The following ZBTB20 variants were observed in gnomAD, a reference collection of about 807,000 sequenced individuals.
The protein encoded by ZBTB20 is zinc finger and BTB domain containing 20.
In ZBTB20, 9 loss-of-function variants were observed where a neutral mutation model predicts 56.9. That is an observed-to-expected ratio of 0.16 (90% CI 0.10 to 0.28). The LOEUF (loss-of-function observed/expected upper bound fraction) is 0.28, where lower values mean the gene tolerates loss of function less well. ZBTB20 is among the 10% of genes least tolerant of loss of function. The pLI, the probability that ZBTB20 is intolerant of heterozygous loss-of-function variation, is 1.00. For missense variants in ZBTB20, 655 were observed against 1,003.0 expected, an observed-to-expected ratio of 0.65 and a Z score of 4.69; for synonymous variants, 417 against 420.7, an observed-to-expected ratio of 0.99 and a Z score of 0.11.
At chr3:114,712,351 G>A (rs1307400205) in intron 5 of ZBTB20, among the ~76,000 whole-genome samples, 1 of 152,010 alleles carries the variant, frequency 6.6e-6, no homozygotes, top group Non-Finnish European at 1.5e-5. Context: ...GAAAATTAAT[G>A]TTATAAAAAA....
chr3:114,664,150 G>A (rs1174349485), intron 6 of ZBTB20, among the ~76,000 whole-genome samples: 1 of 152,012 alleles, frequency 6.6e-6, no homozygotes, highest in African/African-American at 2.4e-5. Flanking sequence ...AGCATTTTAA[G>A]ACTTCCCTGA....
intron 4 of ZBTB20, among the ~76,000 whole-genome samples, chr3:114,829,672 G>A (rs909575770): frequency 1.3e-5 from 2 of 151,780 alleles, no homozygotes; most frequent in African/African-American, 4.8e-5. Context: ...GAAGTTACAC[G>A]GGAGATGCAA....
intron 7 of ZBTB20, among the ~76,000 whole-genome samples, chr3:114,492,397 G>A (rs1490617907): frequency 6.6e-6 from 1 of 152,060 alleles, no homozygotes; most frequent in African/African-American, 2.4e-5. Context: ...GTCCTCCTTT[G>A]GTGTTTCATG....
At chr3:114,470,494 C>T (rs1042762201) in intron 7 of ZBTB20, among the ~76,000 whole-genome samples, 5 of 152,050 alleles carry the variant, frequency 3.3e-5, no homozygotes, top group Admixed American at 6.6e-5. Context: ...GAAGAGAAAC[C>T]TGGCTCTCAA....
chr3:114,826,355 A>C (rs1394578084), intron 4 of ZBTB20, among the ~76,000 whole-genome samples: 7 of 151,764 alleles, frequency 4.6e-5, no homozygotes, highest in Admixed American at 4.6e-4. Flanking sequence ...CTCCCCCCAC[A>C]AAATTTAATA....
chr3:114,916,150 T>C (rs1014009690), intron 3 of ZBTB20, among the ~76,000 whole-genome samples: 19 of 152,132 alleles, frequency 1.2e-4, no homozygotes, highest in African/African-American at 4.1e-4. Context: ...AAGTGGGATG[T>C]TGATGTCTTC....
intron 6 of ZBTB20, among the ~76,000 whole-genome samples, chr3:114,675,165 A>G (rs1264935238): frequency 1.3e-5 from 2 of 151,700 alleles, no homozygotes; most frequent in African/African-American, 4.8e-5. Flanking sequence ...CTGATCTTCT[A>G]GCCACACTGT....
intron 3 of ZBTB20, among the ~76,000 whole-genome samples, chr3:114,918,672 G>A (rs1007223398): frequency 6.6e-6 from 1 of 152,154 alleles, no homozygotes; most frequent in African/African-American, 2.4e-5. Flanking sequence ...GGAAGCTAGT[G>A]CCTAAAGTGG....
intron 6 of ZBTB20, among the ~76,000 whole-genome samples, chr3:114,601,579 T>C (rs2107631087): frequency 1.3e-5 from 2 of 152,112 alleles, no homozygotes; most frequent in South Asian, 4.1e-4. Flanking sequence ...AAATAGATGA[T>C]AGATGATTAA....
chr3:114,415,943 C>T (rs1427242136), intron 7 of ZBTB20, among the ~76,000 whole-genome samples: 1 of 152,052 alleles, frequency 6.6e-6, no homozygotes, highest in Non-Finnish European at 1.5e-5. Context: ...TTTAAGATTG[C>T]ATAAATAGCT....
chr3:114,416,267 TATC>T (rs1364212223), intron 7 of ZBTB20, among the ~76,000 whole-genome samples: 1 of 150,242 alleles, frequency 6.7e-6, no homozygotes, highest in African/African-American at 2.5e-5. Context: ...CACTTAATAA[TATC>T]AACCACCTGA....
intron 3 of ZBTB20, among the ~76,000 whole-genome samples, chr3:114,938,126 T>C (rs28852739): frequency 7.6e-6 from 1 of 131,484 alleles, no homozygotes; most frequent in Non-Finnish European, 1.5e-5. Flanking sequence ...TCAAAAAAAA[T>C]AAAAATAAAA....
At chr3:115,146,548 G>A (rs1269379800) in intron 1 of ZBTB20, among the ~76,000 whole-genome samples, 2 of 152,180 alleles carry the variant, frequency 1.3e-5, no homozygotes, top group Non-Finnish European at 1.5e-5. Flanking sequence ...AGAGAAAGAA[G>A]GAAAGGTGTG....
chr3:114,833,228 T>C (rs1579072162), intron 4 of ZBTB20, among the ~76,000 whole-genome samples: 1 of 152,172 alleles, frequency 6.6e-6, no homozygotes, highest in Non-Finnish European at 1.5e-5. Flanking sequence ...GGTTGCCGAA[T>C]ACTAACATTG....
Position 114,323,225 on chromosome 3 carries a change from A to G in ZBTB20, c.*15780T>C, listed in dbSNP as rs565521723. 4 of 152,342 alleles carry G rather than the reference A, an allele frequency of 2.6e-5. No homozygotes were observed. The highest frequency in any genetic ancestry group is 9.6e-5 in the African/African-American group (4 of 41,592). The allele number at this position is 152,342 out of a possible 1,614,324, so 9.4% of individuals were successfully genotyped here. A position where few individuals can be genotyped will look rare whatever the true frequency, so the allele number is the denominator to read the frequency against. On this transcript the variant is annotated 3_prime_UTR_variant, in exon 12 of 12. Transcript: ENST00000675478. ...AGGAAAAAACCAATTTCAAAACTAA[A>G]CTTTTAGGCACTATTAAGGTCTTCT...
At chr3:114,975,706 G>T (rs938167302) in intron 2 of ZBTB20, among the ~76,000 whole-genome samples, 38 of 152,156 alleles carry the variant, frequency 2.5e-4, no homozygotes, top group Non-Finnish European at 2.9e-4. Flanking sequence ...TAATGATGAA[G>T]AAATAGGATG....
chr3:114,854,318 T>C (rs2075141015), intron 4 of ZBTB20, among the ~76,000 whole-genome samples: 1 of 152,184 alleles, frequency 6.6e-6, no homozygotes, highest in Non-Finnish European at 1.5e-5. Flanking sequence ...CTATCAAAGA[T>C]AATAGAGGCT....
chr3:114,732,921 A>T (rs1046881014), intron 5 of ZBTB20, among the ~76,000 whole-genome samples: 63 of 152,306 alleles, frequency 4.1e-4, no homozygotes, highest in African/African-American at 1.3e-3. Flanking sequence ...AAACTAGGCC[A>T]GTCAGACATG....
Position 114,332,954 on chromosome 3 carries a change from G to A in ZBTB20, c.*6051C>T, listed in dbSNP as rs187526930. On this transcript the variant is annotated 3_prime_UTR_variant, in exon 12 of 12. Coordinates refer to ENST00000675478, the MANE Select transcript of ZBTB20 (RefSeq NM_001348800.3). Reference sequence around the variant, plus strand: ...TAGTTCTGAAAAAGAACCCACACTAGGTAGCCCTAATTTTCTATCTCTTCA... The same window carrying A: ...TAGTTCTGAAAAAGAACCCACACTAAGTAGCCCTAATTTTCTATCTCTTCA... The A allele has an allele frequency of 6.6e-6, 1 of 152,240 alleles. No homozygotes were observed. Among genetic ancestry groups the A allele is most frequent in the East Asian group, 1.9e-4 (1 of 5,178 alleles). The allele number at this position is 152,240 out of a possible 1,614,324, so 9.4% of individuals were successfully genotyped here.
Sources: gnomAD v4.1 joint callset for allele counts (sites outside exome capture counted in the v4.1 genomes callset) on GRCh38, gnomAD v4.1.1 for gene constraint, MANE v1.5 for transcripts, NCBI Gene and HGNC (gene_info 2026-07-23, HGNC 2026-07-21) for gene names.